The following MAGI1 variants were observed in gnomAD, a reference collection of about 807,000 sequenced individuals.
MAGI1 encodes membrane-associated guanylate kinase, WW and PDZ domain-containing protein 1.
In MAGI1, 58 loss-of-function variants were observed where a neutral mutation model predicts 139.9. The ratio of observed to expected loss-of-function variants is 0.41; its 90% CI spans 0.34 to 0.52. The LOEUF is 0.52. Among genes scored for constraint, MAGI1 ranks in the 20% least tolerant of loss-of-function variants. The probability of loss-of-function intolerance (pLI) is 0.12; values close to 1 mark genes in which losing one functional copy is unlikely to be tolerated. For synonymous variants in MAGI1, 812 were observed against 737.9 expected (o/e 1.10, Z -1.63); for missense variants, 1,874 against 1,901.6 (o/e 0.99, Z 0.27).
At chr3:65,444,250 A>G (rs953920774) in intron 7 of MAGI1, among the ~76,000 whole-genome samples, 1 of 152,218 alleles carries the variant, frequency 6.6e-6, no homozygotes, top group African/African-American at 2.4e-5. Flanking sequence ...TGGCATTTGT[A>G]TATACTGAGT....
intron 1 of MAGI1, among the ~76,000 whole-genome samples, chr3:65,997,129 G>A (rs62243807): frequency 0.11 from 16,315 of 152,040 alleles, 985 homozygotes; most frequent in East Asian, 0.25. Flanking sequence ...TTTTGTTGTA[G>A]GGAGTACTTA....
intron 1 of MAGI1, among the ~76,000 whole-genome samples, chr3:66,029,530 C>A (rs2107590281): frequency 6.6e-6 from 1 of 152,276 alleles, no homozygotes; most frequent in Middle Eastern, 3.4e-3. Context: ...AAAGTCTATA[C>A]ACACAGCCAG....
chr3:65,680,788 G>GATATC (rs1331277539), intron 1 of MAGI1, among the ~76,000 whole-genome samples: 1 of 137,084 alleles, frequency 7.3e-6, no homozygotes, highest in South Asian at 2.1e-4. Flanking sequence ...GATATGATAT[G>GATATC]ATATGATATA....
chr3:65,423,739 A>T (rs1285265424), intron 12 of MAGI1, among the ~76,000 whole-genome samples: 1 of 152,202 alleles, frequency 6.6e-6, no homozygotes, highest in East Asian at 1.9e-4. Flanking sequence ...CCTGGGCCTC[A>T]GCTTCCTCTT....
chr3:65,996,488 G>T (rs1018577705), intron 1 of MAGI1, among the ~76,000 whole-genome samples: 1 of 133,296 alleles, frequency 7.5e-6, no homozygotes, highest in African/African-American at 2.8e-5. Context: ...GTAAAAAGCC[G>T]TAATTTTCCA....
At chr3:65,998,695 G>T (rs944284058) in intron 1 of MAGI1, among the ~76,000 whole-genome samples, 1 of 151,962 alleles carries the variant, frequency 6.6e-6, no homozygotes, top group African/African-American at 2.4e-5. Flanking sequence ...TTTTTTGGGG[G>T]GTTTTTCTTT....
chr3:65,459,386 T>G (rs1949622846), intron 5 of MAGI1, among the ~76,000 whole-genome samples: 1 of 152,222 alleles, frequency 6.6e-6, no homozygotes. Flanking sequence ...TAGACTTCTT[T>G]GAGTAGTATG....
chr3:65,671,692 C>G lies in MAGI1; in HGVS notation c.314-49604G>C, dbSNP rs557122307. Among the ~76,000 whole-genome samples the G allele has an allele frequency of 8.5e-5, 13 of 152,252 alleles. No homozygotes were observed. The South Asian group carries it at 2.7e-3, about 32-fold the overall frequency. ...TCATCTTGAGAAAGTTACTTGCCCT[C>G]TCTGTGCCTCAATTTCTTTATCTAG... On this transcript the variant is annotated intron_variant, in intron 1 of 22. Coordinates refer to ENST00000402939, the MANE Select transcript of MAGI1 (RefSeq NM_001033057.2).
intron 1 of MAGI1, among the ~76,000 whole-genome samples, chr3:65,669,270 A>T (rs371988583): frequency 4.1e-4 from 63 of 152,304 alleles, no homozygotes; most frequent in African/African-American, 1.4e-3. Context: ...AGAAGTCACA[A>T]GGAGCCAAAT....
intron 1 of MAGI1, among the ~76,000 whole-genome samples, chr3:65,865,456 C>T (rs771565143): frequency 5.9e-5 from 9 of 152,068 alleles, no homozygotes; most frequent in South Asian, 2.1e-4. Flanking sequence ...ATTAGCCAGG[C>T]GTGGTGGCAC....
intron 1 of MAGI1, among the ~76,000 whole-genome samples, chr3:65,897,155 A>G (rs2061003858): frequency 6.6e-6 from 1 of 152,214 alleles, no homozygotes. Flanking sequence ...GTACATCACT[A>G]AAGAATAAAA....
At chr3:65,801,443 T>C (rs1391032307) in intron 1 of MAGI1, among the ~76,000 whole-genome samples, 1 of 151,846 alleles carries the variant, frequency 6.6e-6, no homozygotes, top group Non-Finnish European at 1.5e-5. Flanking sequence ...TTAGATTCCA[T>C]CAAAGTGATG....
At chr3:65,716,216 A>G (rs958046430) in intron 1 of MAGI1, among the ~76,000 whole-genome samples, 1 of 152,184 alleles carries the variant, frequency 6.6e-6, no homozygotes, top group African/African-American at 2.4e-5. Context: ...GATCTGGGAT[A>G]GTTTCACACA....
chr3:65,977,726 TAA>T, intron 1 of MAGI1, among the ~76,000 whole-genome samples: 1 of 137,474 alleles, frequency 7.3e-6, no homozygotes, highest in Middle Eastern at 3.7e-3. Context: ...CACTACCAAA[TAA>T]AAAAAAAAAA....
chr3:65,682,076 C>A (rs749260576), intron 1 of MAGI1, among the ~76,000 whole-genome samples: 2 of 151,758 alleles, frequency 1.3e-5, no homozygotes, highest in Admixed American at 1.3e-4. Context: ...TAGCTTTTAG[C>A]GTACTCAGAG....
chr3:65,811,308 G>A (rs2041219602), intron 1 of MAGI1, among the ~76,000 whole-genome samples: 1 of 152,190 alleles, frequency 6.6e-6, no homozygotes, highest in African/African-American at 2.4e-5. Flanking sequence ...TCCCCGGTAA[G>A]AGGCTAGGAG....
At chr3:65,703,346 G>C (rs1312970200) in intron 1 of MAGI1, among the ~76,000 whole-genome samples, 1 of 152,144 alleles carries the variant, frequency 6.6e-6, no homozygotes, top group Non-Finnish European at 1.5e-5. Context: ...TCAAATGCTA[G>C]CAAGATTGCC....
At chr3:65,698,567 C>A (rs1350358062) in intron 1 of MAGI1, among the ~76,000 whole-genome samples, 1 of 151,938 alleles carries the variant, frequency 6.6e-6, no homozygotes, top group Non-Finnish European at 1.5e-5. Context: ...TCAGAAATAA[C>A]GCTGCATATC....
At chr3:65,610,096 G>C (rs531599303) in intron 2 of MAGI1, 1 of 127,922 alleles carries the variant, frequency 7.8e-6, no homozygotes, top group Non-Finnish European at 1.7e-5. Context: ...ATGTTCCTTA[G>C]ATATCTAACT....
Sources: gnomAD v4.1 joint callset for allele counts (sites outside exome capture counted in the v4.1 genomes callset) on GRCh38, gnomAD v4.1.1 for gene constraint, MANE v1.5 for transcripts, NCBI Gene and HGNC (gene_info 2026-07-23, HGNC 2026-07-21) for gene names.